TMEM39A: variants seen among roughly 807,000 people sequenced by gnomAD.
TMEM39A encodes the protein transmembrane protein 39A.
In TMEM39A, 19 loss-of-function variants were observed where a neutral mutation model predicts 51.9. That is an observed-to-expected ratio of 0.37 (90% CI 0.26 to 0.54). TMEM39A has a LOEUF of 0.54. TMEM39A is among the 20% of genes least tolerant of loss of function. TMEM39A has a pLI of 0.88. For missense variants in TMEM39A, 433 were observed against 590.5 expected (o/e 0.73, Z 2.76); for synonymous variants, 197 against 220.2 (o/e 0.89, Z 0.93).
At position 119,446,999 on chromosome 3, in the gene TMEM39A, G is replaced by A. The variant is rs2081134463; in HGVS notation, c.575+19C>T. ...TTTCTAAAGATTTACTAATAACATG[G>A]TAAAACTGGAGTACTCACGGGTAGC... On this transcript the variant is annotated intron_variant, in intron 5 of 8. Transcript: ENST00000319172. The A allele has an allele frequency of 5.0e-6, 8 of 1,606,144 alleles. No homozygotes were observed. Among genetic ancestry groups the A allele is most frequent in the Non-Finnish European group, 5.1e-6 (6 of 1,177,004 alleles).
rs2081368054 is a variant in TMEM39A at position 119,463,552 on chromosome 3, C to A, written c.-291G>T. ...CTCCGACGCAGTTCCAGTGCCAGAG[C>A]TAAAGCTAGAGCCAGAGCCTGATAC... On this transcript the variant is annotated 5_prime_UTR_variant, in exon 1 of 9. Coordinates refer to ENST00000319172, the MANE Select transcript of TMEM39A (RefSeq NM_018266.3). 3 of 398,772 alleles carry A rather than the reference C, an allele frequency of 7.5e-6. No homozygotes were observed. The highest frequency in any genetic ancestry group is 1.3e-5 in the Non-Finnish European group (3 of 226,282). 24.7% of individuals were successfully genotyped at this position (398,772 alleles called of 1,614,324 possible). A position where few individuals can be genotyped will look rare whatever the true frequency, so the allele number is the denominator to read the frequency against.
chr3:119,450,033 G>T (rs982745837), intron 4 of TMEM39A, among the ~76,000 whole-genome samples: 1 of 152,126 alleles, frequency 6.6e-6, no homozygotes, highest in African/African-American at 2.4e-5. Context: ...ATATTTTAAT[G>T]GAAGGAAGGA....
At chr3:119,450,822 A>T in intron 4 of TMEM39A, among the ~76,000 whole-genome samples, 1 of 73,558 alleles carries the variant, frequency 1.4e-5, no homozygotes, top group Admixed American at 1.8e-4. Flanking sequence ...GCCAGACTCC[A>T]TCTCAAAAAA....
intron 3 of TMEM39A, among the ~76,000 whole-genome samples, chr3:119,452,787 C>A (rs2081217740): frequency 6.6e-6 from 1 of 152,074 alleles, no homozygotes; most frequent in Admixed American, 6.5e-5. Flanking sequence ...TATTACTGTA[C>A]TAAAAGGAAA....
At chr3:119,454,032 G>T (rs1327681411) in intron 3 of TMEM39A, among the ~76,000 whole-genome samples, 1 of 152,160 alleles carries the variant, frequency 6.6e-6, no homozygotes, top group Non-Finnish European at 1.5e-5. Context: ...GGCATTACAA[G>T]CTCTGGGGAC....
intron 8 of TMEM39A, among the ~76,000 whole-genome samples, chr3:119,434,381 T>G (rs913184596): frequency 6.6e-6 from 1 of 152,168 alleles, no homozygotes; most frequent in Non-Finnish European, 1.5e-5. Context: ...TATTAATATA[T>G]TAAATGTCAC....
chr3:119,461,987 C>T lies in TMEM39A; in HGVS notation c.88G>A (p.Gly30Ser). 1.2e-6 allele frequency: 2 copies of T among 1,614,040 alleles called. No individual in the cohort carries two copies. Among genetic ancestry groups the T allele is most frequent in the Non-Finnish European group, 1.7e-6 (2 of 1,179,986 alleles). The change falls in exon 2 of 9, where the codon GGC (glycine) becomes AGC (serine). Residue 30 changes from glycine (G) to serine (S), a missense_variant. Gly to Ser is a moderately conservative substitution (Grantham distance 56). Transcript: ENST00000319172. ...CTGTTTCTCAAGCCTGTTCCATTGC[C>T]ACAGCCTCCACCAACCAAAGTCTGC... ...SLQTLVGGGC[G>S]NGTGLRNRNG...
intron 4 of TMEM39A, among the ~76,000 whole-genome samples, chr3:119,447,787 C>A (rs939867772): frequency 4.6e-5 from 7 of 151,988 alleles, no homozygotes; most frequent in Non-Finnish European, 1.0e-4. Flanking sequence ...CCACGCCCAG[C>A]TAATTTTTGT....
At chr3:119,457,220 T>G (rs1031579759) in intron 3 of TMEM39A, among the ~76,000 whole-genome samples, 1 of 152,158 alleles carries the variant, frequency 6.6e-6, no homozygotes, top group Non-Finnish European at 1.5e-5. Flanking sequence ...TCCGCCCGCA[T>G]TAGCCTCCCA....
intron 2 of TMEM39A, among the ~76,000 whole-genome samples, chr3:119,459,996 T>C (rs903233593): frequency 1.1e-4 from 16 of 152,138 alleles, no homozygotes. Context: ...AGGTCTTTTA[T>C]AACAAATTAT....
chr3:119,435,027 C>G (rs1310400327), intron 7 of TMEM39A, 145 bp from the exon 8 acceptor site: 1 of 1,397,192 alleles, frequency 7.2e-7, no homozygotes, highest in Non-Finnish European at 9.4e-7. Context: ...ATTCCATGGT[C>G]AAACTGGAGT....
chr3:119,455,158 A>G (rs1463660947), intron 3 of TMEM39A, among the ~76,000 whole-genome samples: 1 of 152,246 alleles, frequency 6.6e-6, no homozygotes, highest in East Asian at 1.9e-4. Context: ...AACTTAAAAG[A>G]CAGACCACAT....
chr3:119,435,600 G>A (rs2080958617), intron 7 of TMEM39A: 6 of 976,438 alleles, frequency 6.1e-6, no homozygotes, highest in Non-Finnish European at 6.1e-6. Context: ...AAAAATCTAA[G>A]TTAATTCATC....
intron 2 of TMEM39A, among the ~76,000 whole-genome samples, chr3:119,461,683 AC>A (rs1370223715): frequency 6.6e-6 from 1 of 152,202 alleles, no homozygotes; most frequent in Non-Finnish European, 1.5e-5. Flanking sequence ...ATTTTCATTC[AC>A]TTCTCCCTTC....
intron 7 of TMEM39A, 98 bp downstream of exon 7, chr3:119,436,693 A>G (rs1212198677): frequency 3.0e-6 from 4 of 1,311,754 alleles, no homozygotes; most frequent in East Asian, 4.7e-5. Flanking sequence ...TAAAAATTAA[A>G]TGTTCAAAGC....
intron 5 of TMEM39A, 175 bp downstream of exon 5, chr3:119,446,843 T>G (rs2081132052): frequency 4.2e-6 from 3 of 720,126 alleles, no homozygotes; most frequent in African/African-American, 1.8e-5. Context: ...TTGTCCCAAC[T>G]GTACTCCAGT....
At position 119,431,393 on chromosome 3, in the gene TMEM39A, T is replaced by C. The variant is rs1222301023; in HGVS notation, c.*588A>G. The C allele has an allele frequency of 6.6e-6, 1 of 152,160 alleles. No homozygotes were observed. Among genetic ancestry groups the C allele is most frequent in the Non-Finnish European group, 1.5e-5 (1 of 68,018 alleles). 9.4% of individuals were successfully genotyped at this position (152,160 alleles called of 1,614,324 possible). A position where few individuals can be genotyped will look rare whatever the true frequency, so the allele number is the denominator to read the frequency against. ...CCCTCAGCCTCAGGATAGTAGCTTA[T>C]TCAAAAGTATATTTAAATGTCACAG... On this transcript the variant is annotated 3_prime_UTR_variant, in exon 9 of 9. Coordinates refer to ENST00000319172, the MANE Select transcript of TMEM39A (RefSeq NM_018266.3).
intron 4 of TMEM39A, among the ~76,000 whole-genome samples, chr3:119,450,397 T>C (rs994612279): frequency 6.6e-6 from 1 of 152,246 alleles, no homozygotes; most frequent in Non-Finnish European, 1.5e-5. Flanking sequence ...TCAATGGCTG[T>C]ATGCTATTCC....
chr3:119,445,282 CAG>C (rs2081109223), intron 5 of TMEM39A, among the ~76,000 whole-genome samples: 2 of 152,034 alleles, frequency 1.3e-5, no homozygotes, highest in African/African-American at 2.4e-5. Context: ...TTATTTGAGA[CAG>C]AGTCTTGCTC....
Sources: gnomAD v4.1 joint callset for allele counts (sites outside exome capture counted in the v4.1 genomes callset) on GRCh38, gnomAD v4.1.1 for gene constraint, MANE v1.5 for transcripts, NCBI Gene and HGNC (gene_info 2026-07-23, HGNC 2026-07-21) for gene names.